The following WIF1 variants were observed in gnomAD, a reference collection of about 807,000 sequenced individuals.
WIF1 encodes the protein Wnt inhibitory factor 1.
WIF1 carries 35 observed loss-of-function variants against 53.5 expected under a neutral mutation model. That is an observed-to-expected ratio of 0.65 (90% CI 0.50 to 0.87). WIF1 has a LOEUF of 0.87. Ranked by LOEUF, WIF1 falls within the 40% of genes least tolerant of loss-of-function variation. WIF1 has a pLI of 0.00. For synonymous variants in WIF1, 171 were observed against 170.4 expected (o/e 1.00, Z -0.03); for missense variants, 467 against 476.8 (o/e 0.98, Z 0.19).
In WIF1 at chr12:65,051,294, A is replaced by G. The variant is rs970318654; in HGVS notation, c.*55T>C. 1.2e-5 allele frequency: 19 copies of G among 1,567,594 alleles called. No homozygotes were observed. The highest frequency in any genetic ancestry group is 1.4e-5 in the Non-Finnish European group (16 of 1,156,534). ...ATTATTTGAACATTCAACACATGAA[A>G]GGTTAACAAAGGCTATGAACTTGGT... On this transcript the variant is annotated 3_prime_UTR_variant, in exon 10 of 10. Transcript: ENST00000286574.
rs1395947305 is a variant in WIF1 at position 65,103,621 on chromosome 12, T to C, written c.288+16796A>G. On this transcript the variant is annotated intron_variant, in intron 2 of 9. Transcript: ENST00000286574. ...TGAACTAGATCTTGAATATGATGAT[T>C]TGATATATATAGGACTCTACAAATG... Among the ~76,000 whole-genome samples the C allele has an allele frequency of 2.6e-5, 4 of 152,216 alleles. No homozygotes were observed. In the South Asian group the frequency reaches 6.2e-4, roughly 24 times the overall value.
intron 2 of WIF1, among the ~76,000 whole-genome samples, chr12:65,116,419 T>C (rs1338578488): frequency 6.6e-6 from 1 of 151,944 alleles, no homozygotes; most frequent in Non-Finnish European, 1.5e-5. Flanking sequence ...GCACCTTTTA[T>C]GAGAATCTAA....
intron 2 of WIF1, among the ~76,000 whole-genome samples, chr12:65,095,243 G>C: frequency 6.6e-6 from 1 of 151,686 alleles, no homozygotes; most frequent in East Asian, 1.9e-4. Flanking sequence ...TGCCCAGCTT[G>C]AATTTTTCTT....
chr12:65,080,865 C>T (rs1217645592), intron 2 of WIF1, among the ~76,000 whole-genome samples: 1 of 152,096 alleles, frequency 6.6e-6, no homozygotes, highest in African/African-American at 2.4e-5. Flanking sequence ...ATAATTATAT[C>T]TTTGAGCTTT....
At chr12:65,102,471 T>C (rs1883296664) in intron 2 of WIF1, among the ~76,000 whole-genome samples, 1 of 152,146 alleles carries the variant, frequency 6.6e-6, no homozygotes, top group South Asian at 2.1e-4. Flanking sequence ...CTTCAACTGA[T>C]TGTTGGAGAC....
chr12:65,059,232 T>C (rs6581600), intron 7 of WIF1, among the ~76,000 whole-genome samples: 149,218 of 152,326 alleles, frequency 0.98, 73,103 homozygotes, highest in East Asian at 1. Flanking sequence ...TGTAGGATAA[T>C]TTAAATTATC....
chr12:65,095,107 AT>A lies in WIF1; in HGVS notation c.289-17254del, dbSNP rs71096025. Among the ~76,000 whole-genome samples the A allele has an allele frequency of 0.011, 1,580 of 139,426 alleles. 43 individuals are homozygous for A. In the East Asian group the frequency reaches 0.13, roughly 12 times the overall value. The allele number at this position is 139,426 out of a possible 152,430, so 91.5% of individuals were successfully genotyped here. ...GCCACCACATCAGACTAATTTTTGT[AT>A]TTTTTTTTTTTTGTAGAGGCAGGGT... On this transcript the variant is annotated intron_variant, in intron 2 of 9. Coordinates refer to ENST00000286574, the MANE Select transcript of WIF1 (RefSeq NM_007191.5).
At chr12:65,101,283 TCA>T (rs1883278159) in intron 2 of WIF1, among the ~76,000 whole-genome samples, 1 of 152,184 alleles carries the variant, frequency 6.6e-6, no homozygotes, top group Non-Finnish European at 1.5e-5. Context: ...GGACTAAATC[TCA>T]GAGTCAGTTT....
At chr12:65,070,440 G>A (rs1882755860) in intron 3 of WIF1, among the ~76,000 whole-genome samples, 1 of 152,142 alleles carries the variant, frequency 6.6e-6, no homozygotes, top group Non-Finnish European at 1.5e-5. Context: ...AAACATTTAT[G>A]AATGGAGATT....
intron 7 of WIF1, among the ~76,000 whole-genome samples, chr12:65,060,058 G>A (rs1396591191): frequency 2.7e-5 from 4 of 150,816 alleles, no homozygotes; most frequent in Admixed American, 6.6e-5. Context: ...CCAGCAATGA[G>A]TGCTGGTGAG....
intron 7 of WIF1, among the ~76,000 whole-genome samples, chr12:65,059,942 G>A (rs574621665): frequency 8.0e-4 from 121 of 152,000 alleles, no homozygotes; most frequent in African/African-American, 2.7e-3. Flanking sequence ...GTGAGCCACT[G>A]CACCCAGGTG....
intron 2 of WIF1, among the ~76,000 whole-genome samples, chr12:65,111,128 A>G (rs1051677301): frequency 1.3e-5 from 2 of 152,308 alleles, no homozygotes; most frequent in African/African-American, 2.4e-5. Flanking sequence ...CAGAGCAGAG[A>G]AAATGAGGCA....
At chr12:65,083,002 G>T (rs1410222178) in intron 2 of WIF1, among the ~76,000 whole-genome samples, 1 of 152,108 alleles carries the variant, frequency 6.6e-6, no homozygotes, top group Non-Finnish European at 1.5e-5. Flanking sequence ...TCTAAAGAAG[G>T]TTTCAGGCAT....
intron 2 of WIF1, among the ~76,000 whole-genome samples, chr12:65,097,919 C>T (rs1359637028): frequency 6.6e-6 from 1 of 152,102 alleles, no homozygotes; most frequent in Non-Finnish European, 1.5e-5. Flanking sequence ...ACAGGAAAAA[C>T]ATGTTTACTA....
Position 65,087,818 on chromosome 12 carries a change from A to G in WIF1, c.289-9964T>C, listed in dbSNP as rs189794121. Among the ~76,000 whole-genome samples the G allele has an allele frequency of 5.4e-3, 822 of 152,208 alleles. 5 individuals carry two copies. Among genetic ancestry groups the G allele is most frequent in the Non-Finnish European group, 1.0e-2 (677 of 67,996 alleles). ...GCAGTTTGTTCTATTCCTACCTAAGAGTCAAACAGGAAAAAAAAAGTCTGT... is the reference window on the plus strand; with the variant it reads ...GCAGTTTGTTCTATTCCTACCTAAGGGTCAAACAGGAAAAAAAAAGTCTGT... On this transcript the variant is annotated intron_variant, in intron 2 of 9. Coordinates refer to ENST00000286574, the MANE Select transcript of WIF1 (RefSeq NM_007191.5).
chr12:65,071,231 C>CAAAAAAAAAAAAA (rs67928556), intron 3 of WIF1, among the ~76,000 whole-genome samples: 4 of 71,176 alleles, frequency 5.6e-5, no homozygotes, highest in Non-Finnish European at 7.9e-5. Context: ...AAGACTCCAT[C>CAAAAAAAAAAAAA]AAAAAAAAAA....
chr12:65,109,659 T>A (rs1883401297), intron 2 of WIF1, among the ~76,000 whole-genome samples: 1 of 152,242 alleles, frequency 6.6e-6, no homozygotes, highest in African/African-American at 2.4e-5. Context: ...AATGAGAAGA[T>A]ATTCCAAAAG....
At chr12:65,093,104 A>C (rs1883150152) in intron 2 of WIF1, among the ~76,000 whole-genome samples, 1 of 152,214 alleles carries the variant, frequency 6.6e-6, no homozygotes, top group Admixed American at 6.5e-5. Flanking sequence ...GAATAATCTT[A>C]GCACTAAAGT....
chr12:65,079,164 CAAAA>C (rs1226121849), intron 2 of WIF1, among the ~76,000 whole-genome samples: 5 of 80,112 alleles, frequency 6.2e-5, no homozygotes, highest in African/African-American at 1.1e-4. Context: ...GACTCCATCT[CAAAA>C]AAAAAAAAAA....
Sources: gnomAD v4.1 joint callset for allele counts (sites outside exome capture counted in the v4.1 genomes callset) on GRCh38, gnomAD v4.1.1 for gene constraint, MANE v1.5 for transcripts, NCBI Gene and HGNC (gene_info 2026-07-23, HGNC 2026-07-21) for gene names.